Variants in TMED10 observed in about 807,000 individuals in gnomAD.
TMED10 encodes the protein transmembrane p24 trafficking protein 10.
A neutral mutation model predicts 23.1 loss-of-function variants in TMED10; 7 were observed. The ratio of observed to expected loss-of-function variants is 0.30; its 90% CI spans 0.17 to 0.57. The LOEUF (loss-of-function observed/expected upper bound fraction) is 0.57. Among genes scored for constraint, TMED10 ranks in the 20% least tolerant of loss-of-function variants. The probability of loss-of-function intolerance (pLI) is 0.91; values close to 1 mark genes in which losing one functional copy is unlikely to be tolerated. For missense variants in TMED10, 162 were observed against 274.8 expected (o/e 0.59, Z 2.90); for synonymous variants, 113 against 106.9 (o/e 1.06, Z -0.35).
chr14:75,162,173 G>T (rs374491825), intron 1 of TMED10, among the ~76,000 whole-genome samples: 2 of 152,176 alleles, frequency 1.3e-5, no homozygotes, highest in African/African-American at 2.4e-5. Flanking sequence ...GCTGAGGCAT[G>T]ACAATCACTT....
intron 1 of TMED10, among the ~76,000 whole-genome samples, chr14:75,156,589 C>T (rs149014225): frequency 1.1e-4 from 16 of 152,252 alleles, no homozygotes; most frequent in African/African-American, 3.9e-4. Flanking sequence ...AGAAGGTAGA[C>T]ATTTTAACTT....
At chr14:75,147,573 G>T in intron 3 of TMED10, 91 bp downstream of exon 3, 1 of 1,320,642 alleles carries the variant, frequency 7.6e-7, no homozygotes, top group South Asian at 1.2e-5. Context: ...CAGCCCTTTG[G>T]GCAAAGCACA....
intron 1 of TMED10, among the ~76,000 whole-genome samples, chr14:75,175,580 G>A (rs1331846823): frequency 1.3e-5 from 2 of 150,194 alleles, no homozygotes; most frequent in Non-Finnish European, 3.0e-5. Context: ...ATCACACACC[G>A]GGGCCTGTCG....
chr14:75,173,254 G>C (rs1896257699), intron 1 of TMED10, among the ~76,000 whole-genome samples: 1 of 152,144 alleles, frequency 6.6e-6, no homozygotes, highest in African/African-American at 2.4e-5. Flanking sequence ...GGATATGGTG[G>C]CATGTGCCTG....
chr14:75,141,280 G>T (rs1386247147), intron 3 of TMED10, among the ~76,000 whole-genome samples: 1 of 152,180 alleles, frequency 6.6e-6, no homozygotes, highest in Non-Finnish European at 1.5e-5. Flanking sequence ...CACGGAGGGA[G>T]TAAAGTGCAG....
intron 4 of TMED10, 69 bp downstream of exon 4, chr14:75,135,691 A>G (rs1895740503): frequency 1.9e-6 from 3 of 1,582,602 alleles, no homozygotes; most frequent in Non-Finnish European, 2.6e-6. Flanking sequence ...AGGGTACACC[A>G]GAATTGAAAG....
chr14:75,162,695 A>C (rs1382319491), intron 1 of TMED10, among the ~76,000 whole-genome samples: 1 of 152,220 alleles, frequency 6.6e-6, no homozygotes. Context: ...ATAGTGAAGA[A>C]ACCTGACAAA....
chr14:75,140,677 C>T (rs532733742), intron 3 of TMED10, among the ~76,000 whole-genome samples: 1 of 152,262 alleles, frequency 6.6e-6, no homozygotes, highest in East Asian at 1.9e-4. Flanking sequence ...CGCTGCACTC[C>T]AGCCTGGGCT....
intron 3 of TMED10, among the ~76,000 whole-genome samples, chr14:75,142,568 C>T (rs1341441880): frequency 6.6e-6 from 1 of 152,224 alleles, no homozygotes; most frequent in African/African-American, 2.4e-5. Flanking sequence ...ACAACACATA[C>T]TGTGTCACAC....
intron 3 of TMED10, among the ~76,000 whole-genome samples, chr14:75,143,422 G>GA (rs1245239068): frequency 1.3e-5 from 2 of 152,112 alleles, no homozygotes; most frequent in African/African-American, 4.8e-5. Context: ...TTAATTCTCT[G>GA]AAAAAACTGC....
At chr14:75,144,818 C>T (rs977115133) in intron 3 of TMED10, among the ~76,000 whole-genome samples, 4 of 152,158 alleles carry the variant, frequency 2.6e-5, no homozygotes, top group Non-Finnish European at 4.4e-5. Flanking sequence ...CCACCATGCC[C>T]GGCTAATTTT....
At chr14:75,164,558 TATATATATA>T (rs1896131008) in intron 1 of TMED10, among the ~76,000 whole-genome samples, 1 of 4,080 alleles carries the variant, frequency 2.5e-4, no homozygotes. Context: ...TATATATATA[TATATATATA>T]TATATATATA....
At chr14:75,165,646 A>G (rs1896151544) in intron 1 of TMED10, among the ~76,000 whole-genome samples, 1 of 152,254 alleles carries the variant, frequency 6.6e-6, no homozygotes, top group African/African-American at 2.4e-5. Flanking sequence ...AAACAAAAGC[A>G]TGTACAAAGT....
chr14:75,139,698 T>G (rs1895798104), intron 3 of TMED10, among the ~76,000 whole-genome samples: 1 of 152,014 alleles, frequency 6.6e-6, no homozygotes, highest in Non-Finnish European at 1.5e-5. Context: ...TTTCAGACCT[T>G]CATTAGTGGG....
intron 1 of TMED10, among the ~76,000 whole-genome samples, chr14:75,156,185 G>A (rs927462287): frequency 1.3e-5 from 2 of 152,184 alleles, no homozygotes; most frequent in South Asian, 2.1e-4. Context: ...TAGAGATAAG[G>A]AGGTGGGTTG....
intron 1 of TMED10, among the ~76,000 whole-genome samples, chr14:75,161,620 A>G (rs980789658): frequency 6.6e-6 from 1 of 152,156 alleles, no homozygotes; most frequent in Non-Finnish European, 1.5e-5. Flanking sequence ...GTACAGTTCA[A>G]ATGAGTTCTT....
intron 3 of TMED10, among the ~76,000 whole-genome samples, chr14:75,140,342 G>T (rs175438): frequency 6.6e-6 from 1 of 151,454 alleles, no homozygotes; most frequent in African/African-American, 2.4e-5. Flanking sequence ...CTCATGATCC[G>T]CCCTCCTCGG....
At chr14:75,157,840 C>T (rs903433163) in intron 1 of TMED10, among the ~76,000 whole-genome samples, 2 of 150,556 alleles carry the variant, frequency 1.3e-5, no homozygotes, top group East Asian at 2.0e-4. Context: ...CTCAGGAGGC[C>T]GAGGCAGGAG....
At position 75,147,718 on chromosome 14, in the gene TMED10, G is replaced by A; in HGVS notation, c.357C>T (p.Asp119=). The change falls in exon 3 of 5, where the codon GAC becomes GAT. Residue 119 remains aspartate (D), a synonymous_variant. Coordinates refer to ENST00000303575, the MANE Select transcript of TMED10 (RefSeq NM_006827.6). The stretch of plus-strand genomic sequence containing the variant: ...GCTTCATGTCTAGGATCACGAGTTG[G>A]TCAGGTATCCGCCCTGTTCCTGAGA... The part of the protein sequence containing the change: ...FESKGTGRIP[D]QLVILDMKHG... 1 of 1,614,100 alleles carries A rather than the reference G, an allele frequency of 6.2e-7. No homozygotes were observed. The highest frequency in any genetic ancestry group is 8.5e-7 in the Non-Finnish European group (1 of 1,180,028).
Sources: gnomAD v4.1 joint callset for allele counts (sites outside exome capture counted in the v4.1 genomes callset) on GRCh38, gnomAD v4.1.1 for gene constraint, MANE v1.5 for transcripts, NCBI Gene and HGNC (gene_info 2026-07-23, HGNC 2026-07-21) for gene names.